XPR1: variants seen among roughly 807,000 people sequenced by gnomAD.
XPR1 encodes the protein solute carrier family 53 member 1.
A neutral mutation model predicts 87.5 loss-of-function variants in XPR1; 28 were observed. The observed-to-expected ratio is 0.32, with a 90% confidence interval of 0.24 to 0.44. The LOEUF (loss-of-function observed/expected upper bound fraction) is 0.44. Among genes scored for constraint, XPR1 ranks in the 20% least tolerant of loss-of-function variants. XPR1 has a pLI of 1.00. For synonymous variants in XPR1, 300 were observed against 306.1 expected (o/e 0.98, Z 0.21); for missense variants, 559 against 862.3 (o/e 0.65, Z 4.41).
rs373949753 is a variant in XPR1, at chr1:180,886,136, AC to A, written c.*2071del. The A allele has an allele frequency of 1.3e-4, 20 of 152,350 alleles. No individual in the cohort carries two copies. Among genetic ancestry groups the A allele is most frequent in the African/African-American group, 4.8e-4 (20 of 41,594 alleles). 9.4% of individuals were successfully genotyped at this position (152,350 alleles called of 1,614,324 possible). On this transcript the variant is annotated 3_prime_UTR_variant, in exon 15 of 15. Coordinates refer to ENST00000367590, the MANE Select transcript of XPR1 (RefSeq NM_004736.4). ...GAATCATTTATAATAATCAGTGTTA[AC>A]AATTTAGTGACCCTTGGTAGGTTAA... is the stretch of plus-strand genomic sequence containing the variant.
At chr1:180,705,946 C>T (rs756537012) in intron 2 of XPR1, among the ~76,000 whole-genome samples, 3 of 152,134 alleles carry the variant, frequency 2.0e-5, no homozygotes, top group Non-Finnish European at 2.9e-5. Context: ...GATCTTGAAG[C>T]ATGGTTAACA....
chr1:180,836,065 AG>A (rs1409548958), intron 10 of XPR1, among the ~76,000 whole-genome samples: 1 of 152,156 alleles, frequency 6.6e-6, no homozygotes, highest in African/African-American at 2.4e-5. Flanking sequence ...ATCACTAAAA[AG>A]CTTGAGAATA....
chr1:180,701,402 A>C (rs1325101027), intron 2 of XPR1, among the ~76,000 whole-genome samples: 17 of 112,190 alleles, frequency 1.5e-4, no homozygotes, highest in Non-Finnish European at 2.6e-4. Context: ...TCAATACCTA[A>C]TTTATTGAGA....
chr1:180,828,519 T>C (rs930867958), intron 9 of XPR1, among the ~76,000 whole-genome samples: 4 of 152,186 alleles, frequency 2.6e-5, no homozygotes, highest in African/African-American at 9.6e-5. Context: ...AAATTTTAAA[T>C]TATAGTCCTT....
chr1:180,863,705 C>T lies in XPR1; in HGVS notation c.1502-3C>T, dbSNP rs1390326228. On this transcript the variant is annotated splice_region_variant and splice_polypyrimidine_tract_variant and intron_variant, in intron 11 of 14. Transcript: ENST00000367590. ...CTTTTCTCTTTCCCTCTTCTTTCTT[C>T]AGAACGAGGTCACTCGGACACTATG... The T allele has an allele frequency of 1.9e-6, 3 of 1,554,442 alleles. No homozygotes were observed. The highest frequency in any genetic ancestry group is 2.8e-5 in the African/African-American group (2 of 72,156).
chr1:180,733,035 G>A (rs143435192), intron 2 of XPR1, among the ~76,000 whole-genome samples: 36 of 152,302 alleles, frequency 2.4e-4, no homozygotes, highest in African/African-American at 7.0e-4. Context: ...GCCCACCGGC[G>A]TGCCGGTGCA....
At chr1:180,662,929 C>G (rs1655827699) in intron 1 of XPR1, among the ~76,000 whole-genome samples, 1 of 152,130 alleles carries the variant, frequency 6.6e-6, no homozygotes, top group African/African-American at 2.4e-5. Context: ...ATGCATTCTT[C>G]AGTATGTCAG....
At chr1:180,676,810 T>A (rs982377976) in intron 1 of XPR1, among the ~76,000 whole-genome samples, 1 of 152,230 alleles carries the variant, frequency 6.6e-6, no homozygotes, top group African/African-American at 2.4e-5. Flanking sequence ...CATGTTTGTA[T>A]GTTGAATTAA....
intron 7 of XPR1, among the ~76,000 whole-genome samples, chr1:180,817,627 G>T (rs541396474): frequency 1.3e-5 from 2 of 152,228 alleles, no homozygotes; most frequent in East Asian, 3.9e-4. Context: ...TCACATAACT[G>T]TAAGTAATGA....
intron 11 of XPR1, among the ~76,000 whole-genome samples, chr1:180,856,629 C>A (rs1652042439): frequency 6.6e-6 from 1 of 152,216 alleles, no homozygotes; most frequent in African/African-American, 2.4e-5. Context: ...GGCACCATGC[C>A]ACTCACCCAG....
chr1:180,736,955 C>T (rs575074366), intron 2 of XPR1, among the ~76,000 whole-genome samples: 4 of 152,056 alleles, frequency 2.6e-5, no homozygotes, highest in Non-Finnish European at 5.9e-5. Context: ...CTCAAGCAGC[C>T]GCAAGATGGT....
chr1:180,842,674 C>T (rs372114374), intron 11 of XPR1, among the ~76,000 whole-genome samples: 1 of 152,056 alleles, frequency 6.6e-6, no homozygotes, highest in African/African-American at 2.4e-5. Flanking sequence ...CTTGAGGTTT[C>T]TTGGCTTTGG....
intron 13 of XPR1, among the ~76,000 whole-genome samples, chr1:180,879,818 A>G (rs1652787414): frequency 6.6e-6 from 1 of 152,206 alleles, no homozygotes; most frequent in Non-Finnish European, 1.5e-5. Flanking sequence ...TTCAGTAAAT[A>G]TTTGTCAAAT....
At position 180,889,969 on chromosome 1, in the gene XPR1, A is replaced by C. The variant is rs1653137134; in HGVS notation, c.*5903A>C. The C allele has an allele frequency of 6.6e-6, 1 of 152,174 alleles. No homozygotes were observed. The highest frequency in any genetic ancestry group is 1.5e-5 in the Non-Finnish European group (1 of 68,046). 9.4% of individuals were successfully genotyped at this position (152,174 alleles called of 1,614,324 possible). A position where few individuals can be genotyped will look rare whatever the true frequency, so the allele number is the denominator to read the frequency against. ...CAGTCTCCACTCTGGTAAATGGAAA[A>C]GGTGATGTCGAAGAATTGATGCTTG... On this transcript the variant is annotated 3_prime_UTR_variant, in exon 15 of 15. Coordinates refer to ENST00000367590, the MANE Select transcript of XPR1 (RefSeq NM_004736.4).
At chr1:180,801,182 C>T (rs981967895) in intron 3 of XPR1, among the ~76,000 whole-genome samples, 3 of 152,240 alleles carry the variant, frequency 2.0e-5, no homozygotes, top group Non-Finnish European at 2.9e-5. Context: ...AATCAGGGAA[C>T]CCATCTCAAT....
At chr1:180,705,238 G>A (rs1315690948) in intron 2 of XPR1, among the ~76,000 whole-genome samples, 1 of 151,948 alleles carries the variant, frequency 6.6e-6, no homozygotes, top group East Asian at 1.9e-4. Flanking sequence ...GTGAAAGATT[G>A]TTTGTCACCT....
chr1:180,728,303 G>GGT (rs1658429721), intron 2 of XPR1, among the ~76,000 whole-genome samples: 2 of 145,334 alleles, frequency 1.4e-5, no homozygotes, highest in South Asian at 4.7e-4. Context: ...TAACTGGGGG[G>GGT]GGGGGTAGTA....
chr1:180,673,139 TCTC>T (rs1429518767), intron 1 of XPR1, among the ~76,000 whole-genome samples: 2 of 152,140 alleles, frequency 1.3e-5, no homozygotes, highest in East Asian at 1.9e-4. Flanking sequence ...TAGCTTCTGA[TCTC>T]CTTTAAATGG....
intron 3 of XPR1, among the ~76,000 whole-genome samples, chr1:180,792,089 A>G (rs919923018): frequency 1.3e-5 from 2 of 152,172 alleles, no homozygotes; most frequent in Non-Finnish European, 2.9e-5. Context: ...CTGGTCCTCA[A>G]CAGTATCTTT....
Sources: allele counts gnomAD v4.1 joint callset (sites outside exome capture counted in the v4.1 genomes callset), GRCh38; gene constraint gnomAD v4.1.1; transcripts MANE v1.5; gene names NCBI Gene and HGNC (gene_info 2026-07-23, HGNC 2026-07-21).